The following FAM222B variants were observed in gnomAD, a reference collection of about 807,000 sequenced individuals.
The protein encoded by FAM222B is protein FAM222B.
A neutral mutation model predicts 38.0 loss-of-function variants in FAM222B; 12 were observed. The observed-to-expected ratio is 0.32, with a 90% CI of 0.20 to 0.51. The LOEUF is 0.51. Ranked by LOEUF, FAM222B falls within the 20% of genes least tolerant of loss-of-function variation. The pLI, the probability that FAM222B is intolerant of heterozygous loss-of-function variation, is 0.97. For missense variants in FAM222B, 716 were observed against 754.2 expected (o/e 0.95, Z 0.59); for synonymous variants, 329 against 317.2 (o/e 1.04, Z -0.40).
At chr17:28,794,444 T>C (rs1284902917) in intron 1 of FAM222B, among the ~76,000 whole-genome samples, 2 of 151,774 alleles carry the variant, frequency 1.3e-5, no homozygotes, top group Non-Finnish European at 2.9e-5. Context: ...GGTCTCAAAC[T>C]CCTGACCTCA....
chr17:28,822,371 C>T (rs1431226906), intron 1 of FAM222B, among the ~76,000 whole-genome samples: 1 of 150,910 alleles, frequency 6.6e-6, no homozygotes, highest in Non-Finnish European at 1.5e-5. Context: ...GCCTGTAATC[C>T]CAGCACTTTG....
intron 1 of FAM222B, among the ~76,000 whole-genome samples, chr17:28,792,780 CAAAAAAA>C (rs71135854): frequency 8.3e-4 from 102 of 122,856 alleles, no homozygotes; most frequent in African/African-American, 3.3e-3. Flanking sequence ...GGCCCTATTT[CAAAAAAA>C]AAAAAAAAAA....
At chr17:28,814,649 T>C (rs1328495555) in intron 1 of FAM222B, among the ~76,000 whole-genome samples, 1 of 152,088 alleles carries the variant, frequency 6.6e-6, no homozygotes, top group African/African-American at 2.4e-5. Flanking sequence ...GTATTTTTAC[T>C]CGAGACGGGG....
At chr17:28,812,017 A>G (rs1275204325) in intron 1 of FAM222B, 1 of 152,204 alleles carries the variant, frequency 6.6e-6, no homozygotes, top group Non-Finnish European at 1.5e-5. Context: ...AAAAAGAGAT[A>G]AGAGTCCTGA....
At chr17:28,773,499 A>AG (rs2035738965) in intron 1 of FAM222B, among the ~76,000 whole-genome samples, 1 of 150,624 alleles carries the variant, frequency 6.6e-6, no homozygotes, top group Non-Finnish European at 1.5e-5. Context: ...AAAAAAAAAA[A>AG]AAAGAATTCT....
At chr17:28,771,673 T>C (rs1284719268) in intron 1 of FAM222B, among the ~76,000 whole-genome samples, 2 of 152,104 alleles carry the variant, frequency 1.3e-5, no homozygotes, top group Non-Finnish European at 2.9e-5. Flanking sequence ...AGTGCGAGAC[T>C]CCGTCTTAAC....
At chr17:28,835,034 G>A (rs1016149997) in intron 1 of FAM222B, among the ~76,000 whole-genome samples, 2 of 144,808 alleles carry the variant, frequency 1.4e-5, no homozygotes, top group Non-Finnish European at 3.0e-5. Flanking sequence ...TTGTGTGTGT[G>A]TGTGTGTGTG....
chr17:28,820,636 C>CTT (rs557770356), intron 1 of FAM222B, among the ~76,000 whole-genome samples: 30 of 144,288 alleles, frequency 2.1e-4, no homozygotes, highest in Non-Finnish European at 3.2e-4. Context: ...AATGGTAAAA[C>CTT]TTTTTTTTTT....
chr17:28,776,806 C>T, intron 1 of FAM222B, among the ~76,000 whole-genome samples: 1 of 152,008 alleles, frequency 6.6e-6, no homozygotes, highest in East Asian at 1.9e-4. Context: ...TACACTGCTC[C>T]CTATTCCGTT....
chr17:28,771,311 C>T (rs1375107958), intron 1 of FAM222B, among the ~76,000 whole-genome samples: 1 of 152,086 alleles, frequency 6.6e-6, no homozygotes, highest in African/African-American at 2.4e-5. Flanking sequence ...AGTCTTTTTA[C>T]CTTTCAGTGT....
chr17:28,810,961 G>A (rs537220605), intron 1 of FAM222B, among the ~76,000 whole-genome samples: 2 of 151,970 alleles, frequency 1.3e-5, no homozygotes, highest in African/African-American at 4.8e-5. Context: ...TATCAATTCT[G>A]TCTTCAAAAG....
chr17:28,811,741 AACC>A (rs2037775803), intron 1 of FAM222B, among the ~76,000 whole-genome samples: 1 of 152,166 alleles, frequency 6.6e-6, no homozygotes, highest in Non-Finnish European at 1.5e-5. Context: ...GATTTCCTTT[AACC>A]ACCATTTGAC....
intron 1 of FAM222B, among the ~76,000 whole-genome samples, chr17:28,826,071 T>C (rs532313354): frequency 6.7e-6 from 1 of 148,352 alleles, no homozygotes; most frequent in East Asian, 2.0e-4. Context: ...ATTAACTGTT[T>C]TTTTTGTTGT....
intron 1 of FAM222B, among the ~76,000 whole-genome samples, chr17:28,781,088 C>T (rs575493470): frequency 6.6e-6 from 1 of 151,928 alleles, no homozygotes; most frequent in South Asian, 2.1e-4. Context: ...CCAATAGGTA[C>T]GTGAAAAAAT....
At chr17:28,798,890 T>C (rs2037072318) in intron 1 of FAM222B, among the ~76,000 whole-genome samples, 1 of 152,056 alleles carries the variant, frequency 6.6e-6, no homozygotes. Context: ...GTGCTGGGAT[T>C]ACAGGCGTGA....
chr17:28,781,453 G>A (rs1597900047), intron 1 of FAM222B, among the ~76,000 whole-genome samples: 1 of 152,062 alleles, frequency 6.6e-6, no homozygotes, highest in East Asian at 1.9e-4. Context: ...AATTAGCACA[G>A]CTATTAGGAA....
chr17:28,794,909 G>A (rs1261985675), intron 1 of FAM222B, among the ~76,000 whole-genome samples: 3 of 151,904 alleles, frequency 2.0e-5, no homozygotes, highest in Non-Finnish European at 2.9e-5. Flanking sequence ...TCTGGCCAAC[G>A]TGGTGAAACC....
chr17:28,837,226 C>A (rs1050186556), intron 1 of FAM222B, among the ~76,000 whole-genome samples: 1 of 151,894 alleles, frequency 6.6e-6, no homozygotes, highest in East Asian at 1.9e-4. Context: ...GTCAGGAGAT[C>A]GAGACCATCC....
At chr17:28,835,409 A>C (rs1244777302) in intron 1 of FAM222B, among the ~76,000 whole-genome samples, 1 of 152,060 alleles carries the variant, frequency 6.6e-6, no homozygotes, top group Non-Finnish European at 1.5e-5. Context: ...AAGACATAAC[A>C]CATGGTAGAC....
Sources: allele counts gnomAD v4.1 joint callset (sites outside exome capture counted in the v4.1 genomes callset), GRCh38; gene constraint gnomAD v4.1.1; transcripts MANE v1.5; gene names NCBI Gene and HGNC (gene_info 2026-07-23, HGNC 2026-07-21).